Variants in TDRD1 observed in about 807,000 individuals in gnomAD.
TDRD1 encodes tudor domain containing 1.
In TDRD1, 37 loss-of-function variants were observed where a neutral mutation model predicts 140.6. That is an observed-to-expected ratio of 0.26 (90% CI 0.20 to 0.35). The LOEUF (loss-of-function observed/expected upper bound fraction) is 0.35, where lower values mean the gene tolerates loss of function less well. TDRD1 is among the 10% of genes least tolerant of loss of function. TDRD1 has a pLI of 1.00. For synonymous variants in TDRD1, 506 were observed against 475.7 expected, an observed-to-expected ratio of 1.06 and a Z score of -0.83; for missense variants, 1,243 against 1,393.0, an observed-to-expected ratio of 0.89 and a Z score of 1.71.
At chr10:114,203,652 T>C (rs906734518) in intron 8 of TDRD1, 85 bp downstream of exon 8, 20 of 1,241,288 alleles carry the variant, frequency 1.6e-5, no homozygotes, top group Non-Finnish European at 2.0e-5. Context: ...TAATGATGCA[T>C]GACAAGGCTT....
chr10:114,178,271 G>C (rs1484688801), upstream of TDRD1, among the ~76,000 whole-genome samples: 2 of 152,302 alleles, frequency 1.3e-5, no homozygotes, highest in South Asian at 4.1e-4. Context: ...TTTATTCAGA[G>C]TCTTACTGAG....
intron 25 of TDRD1, among the ~76,000 whole-genome samples, chr10:114,229,798 A>C (rs1029734075): frequency 1.3e-5 from 2 of 149,224 alleles, no homozygotes; most frequent in African/African-American, 4.9e-5. Flanking sequence ...CCTAGTATCA[A>C]GTCACTATAT....
intron 14 of TDRD1, among the ~76,000 whole-genome samples, chr10:114,212,391 T>C (rs558527784): frequency 7.2e-5 from 11 of 152,316 alleles, no homozygotes; most frequent in African/African-American, 2.4e-4. Flanking sequence ...TCTCCTTCTT[T>C]TCATGTTTGT....
At chr10:114,184,785 T>A (rs1190498661) in intron 1 of TDRD1, among the ~76,000 whole-genome samples, 1 of 152,204 alleles carries the variant, frequency 6.6e-6, no homozygotes, top group Non-Finnish European at 1.5e-5. Context: ...TCCTTTGTGA[T>A]TTTTTTAACT....
intron 25 of TDRD1, among the ~76,000 whole-genome samples, chr10:114,230,598 T>TA (rs2036702366): frequency 6.6e-6 from 1 of 152,228 alleles, no homozygotes; most frequent in Admixed American, 6.5e-5. Flanking sequence ...CCTGAGCTGC[T>TA]ACGTGTACAG....
At chr10:114,206,501 T>A (rs2035112340) in intron 11 of TDRD1, among the ~76,000 whole-genome samples, 171 bp downstream of exon 11, 2 of 152,176 alleles carry the variant, frequency 1.3e-5, no homozygotes, top group African/African-American at 4.8e-5. Flanking sequence ...CTAATCTCAA[T>A]CTTTCCTGCC....
At chr10:114,182,395 G>C (rs2033143303) in intron 1 of TDRD1, among the ~76,000 whole-genome samples, 1 of 152,192 alleles carries the variant, frequency 6.6e-6, no homozygotes, top group African/African-American at 2.4e-5. Context: ...TCTCCAAATA[G>C]GGTGGACCTT....
exon 19 of TDRD1, chr10:114,220,809 A>G (rs1479727973): frequency 6.2e-7 from 1 of 1,612,414 alleles, no homozygotes; most frequent in South Asian, 1.1e-5. Flanking sequence ...TTGTTAATAA[A>G]CATGAGCTTC....
At chr10:114,220,878 G>C (rs745615573) in intron 19 of TDRD1, 35 bp downstream of exon 19, 1 of 1,502,128 alleles carries the variant, frequency 6.7e-7, no homozygotes. Context: ...GTTTAAATTT[G>C]TTATTCTTTG....
At chr10:114,204,667 A>G in intron 9 of TDRD1, 55 bp from the exon 10 acceptor site, 2 of 1,512,616 alleles carry the variant, frequency 1.3e-6, no homozygotes, top group Non-Finnish European at 1.8e-6. Context: ...AAATAATTAG[A>G]AAAAATCATT....
At chr10:114,203,334 T>G in intron 7 of TDRD1, 54 bp from the exon 8 acceptor site, 1 of 1,543,856 alleles carries the variant, frequency 6.5e-7, no homozygotes, top group South Asian at 1.3e-5. Context: ...TTAAGAAATT[T>G]ACATTTCCTT....
intron 14 of TDRD1, among the ~76,000 whole-genome samples, chr10:114,213,132 G>A (rs1366805131): frequency 4.6e-5 from 7 of 151,958 alleles, no homozygotes; most frequent in Admixed American, 3.9e-4. Context: ...GTCTCAAATC[G>A]GCCTCGGCCT....
intron 22 of TDRD1, among the ~76,000 whole-genome samples, chr10:114,226,818 G>T: frequency 6.6e-6 from 1 of 152,148 alleles, no homozygotes; most frequent in East Asian, 1.9e-4. Context: ...TGTTTCTCCT[G>T]TTGGAATATA....
exon 19 of TDRD1, chr10:114,220,763 C>G: frequency 6.2e-7 from 1 of 1,611,482 alleles, no homozygotes; most frequent in Admixed American, 1.7e-5. Context: ...GTTTTAAAAT[C>G]TGCTTCACCA....
chr10:114,202,088 TG>T, intron 5 of TDRD1, 149 bp from the exon 6 acceptor site: 1 of 599,810 alleles, frequency 1.7e-6, no homozygotes, highest in Non-Finnish European at 2.9e-6. Flanking sequence ...TAGCCAGCAC[TG>T]GGGAGTTTTA....
intron 3 of TDRD1, among the ~76,000 whole-genome samples, chr10:114,194,763 T>G (rs540918303): frequency 1.6e-4 from 24 of 150,670 alleles, no homozygotes; most frequent in African/African-American, 5.1e-4. Context: ...TGTTGGTTTT[T>G]TTTTTTTTTT....
At chr10:114,205,589 A>T (rs2035044383) in intron 10 of TDRD1, among the ~76,000 whole-genome samples, 1 of 152,214 alleles carries the variant, frequency 6.6e-6, no homozygotes, top group Admixed American at 6.5e-5. Flanking sequence ...TCCCACAAAC[A>T]GTAGTCATTC....
intron 1 of TDRD1, among the ~76,000 whole-genome samples, chr10:114,185,850 A>C (rs184148958): frequency 1.3e-5 from 2 of 152,276 alleles, no homozygotes; most frequent in East Asian, 1.9e-4. Context: ...TGGCCTCCCA[A>C]AGTGCTTGAA....
At chr10:114,217,396 A>G (rs1007622104) in intron 16 of TDRD1, 149 bp from the exon 17 acceptor site, 1 of 474,162 alleles carries the variant, frequency 2.1e-6, no homozygotes, top group African/African-American at 2.0e-5. Flanking sequence ...GTAGTTTTTT[A>G]ATAAGGAAAA....
Sources: gnomAD v4.1 joint callset for allele counts (sites outside exome capture counted in the v4.1 genomes callset) on GRCh38, gnomAD v4.1.1 for gene constraint, MANE v1.5 for transcripts, NCBI Gene and HGNC (gene_info 2026-07-23, HGNC 2026-07-21) for gene names.